The following EPB41L4A variants were observed in gnomAD, a reference collection of about 807,000 sequenced individuals.
EPB41L4A encodes the protein band 4.1-like protein 4A.
Under a neutral mutation model 108.6 loss-of-function variants are expected in EPB41L4A, and 100 were observed. The observed-to-expected ratio is 0.92, with a 90% confidence interval of 0.78 to 1.09. The LOEUF is 1.09. Ranked by LOEUF, EPB41L4A falls within the 50% of genes least tolerant of loss-of-function variation. The pLI is 0.00. For missense variants in EPB41L4A, 1,030 were observed against 842.7 expected (o/e 1.22, Z -2.75); for synonymous variants, 319 against 289.0 (o/e 1.10, Z -1.05).
intron 15 of EPB41L4A, chr5:112,197,087 A>C (rs1761998772): frequency 6.7e-6 from 1 of 150,060 alleles, no homozygotes; most frequent in Non-Finnish European, 1.5e-5. Flanking sequence ...GTGTCTTTTC[A>C]ATGACTTTCA....
chr5:112,419,836 C>T (rs935905745), upstream of EPB41L4A: 1 of 456,730 alleles, frequency 2.2e-6, no homozygotes, highest in Admixed American at 2.3e-5. Context: ...TACGGGTGGC[C>T]GTGTGTAGCC....
chr5:112,226,271 G>A (rs1052864200), intron 12 of EPB41L4A, among the ~76,000 whole-genome samples: 1 of 152,208 alleles, frequency 6.6e-6, no homozygotes, highest in African/African-American at 2.4e-5. Flanking sequence ...TGATATTATA[G>A]AAGTGACGTA....
At chr5:112,231,910 C>G (rs1418636745) in intron 12 of EPB41L4A, among the ~76,000 whole-genome samples, 2 of 150,524 alleles carry the variant, frequency 1.3e-5, no homozygotes, top group African/African-American at 4.9e-5. Context: ...GAGTCTGAGA[C>G]CAGCCTAAAC....
intron 2 of EPB41L4A, among the ~76,000 whole-genome samples, chr5:112,301,556 T>C (rs371883167): frequency 1.3e-5 from 2 of 152,240 alleles, no homozygotes; most frequent in South Asian, 4.1e-4. Context: ...TGTCTCTGGG[T>C]TCCTGCAGGA....
At chr5:112,218,054 C>G (rs1404654985) in intron 12 of EPB41L4A, among the ~76,000 whole-genome samples, 2 of 152,116 alleles carry the variant, frequency 1.3e-5, no homozygotes, top group African/African-American at 4.8e-5. Context: ...CCCAGTGCTA[C>G]AGAGTGTGTG....
rs538762868 is a variant in EPB41L4A at position 112,268,110 on chromosome 5, G to A, written c.336-1780C>T. Among the ~76,000 whole-genome samples, 655 of 152,346 alleles carry A rather than the reference G, an allele frequency of 4.3e-3. 1 individual carries two copies. Among genetic ancestry groups the A allele is most frequent in the Non-Finnish European group, 6.9e-3 (467 of 68,028 alleles). On this transcript the variant is annotated intron_variant, in intron 4 of 22. Transcript: ENST00000261486. ...AAACCTTATAAACAAGAGTGGGCAT[G>A]GTGGCTCATGCCTGTAATCCCAGCA...
intron 1 of EPB41L4A, among the ~76,000 whole-genome samples, chr5:112,331,502 C>T (rs1756564779): frequency 6.6e-6 from 1 of 152,228 alleles, no homozygotes; most frequent in African/African-American, 2.4e-5. Flanking sequence ...AGAGGGCTGG[C>T]ATGCCCTGCT....
intron 12 of EPB41L4A, among the ~76,000 whole-genome samples, chr5:112,226,389 C>T (rs1174511777): frequency 6.6e-6 from 1 of 152,200 alleles, no homozygotes. Flanking sequence ...AATTTTGCTT[C>T]CCCTCTGGGA....
At chr5:112,157,089 G>T (rs1417363484) in intron 12 of EPB41L4A, among the ~76,000 whole-genome samples, 1 of 151,540 alleles carries the variant, frequency 6.6e-6, no homozygotes, top group Non-Finnish European at 1.5e-5. Context: ...ATTGACACAG[G>T]AGAGACAAAT....
At chr5:112,189,794 T>G (rs1761603453) in intron 17 of EPB41L4A, among the ~76,000 whole-genome samples, 1 of 152,214 alleles carries the variant, frequency 6.6e-6, no homozygotes, top group Non-Finnish European at 1.5e-5. Context: ...ATTCAAAGAT[T>G]CTCCTCAGTG....
rs1001650375 is a variant in EPB41L4A, at chr5:112,272,534, C to T, written c.335+2792G>A. On this transcript the variant is annotated intron_variant, in intron 4 of 22. Coordinates refer to ENST00000261486, the MANE Select transcript of EPB41L4A (RefSeq NM_022140.5). ...GGAGTAAAAAGACCGGGTTACAGCA[C>T]TTTGGGAGGCCAAGGCAGGTGGATC... 1.4e-4 allele frequency among the ~76,000 whole-genome samples: 22 copies of T among 151,816 alleles called. 1 individual carries two copies. The highest frequency in any genetic ancestry group is 2.0e-4 in the Admixed American group (3 of 15,258).
At chr5:112,335,089 T>A (rs1049700727) in intron 1 of EPB41L4A, among the ~76,000 whole-genome samples, 1 of 152,162 alleles carries the variant, frequency 6.6e-6, no homozygotes, top group Non-Finnish European at 1.5e-5. Context: ...CAAAGCCTCC[T>A]GGCTTTGCAC....
intron 12 of EPB41L4A, among the ~76,000 whole-genome samples, chr5:112,220,660 C>T (rs1322511601): frequency 6.6e-6 from 1 of 152,170 alleles, no homozygotes; most frequent in Non-Finnish European, 1.5e-5. Context: ...GGACACGCTA[C>T]CCCAAACTAT....
At chr5:112,242,650 CTT>C (rs1379898081) in intron 9 of EPB41L4A, among the ~76,000 whole-genome samples, 2 of 152,104 alleles carry the variant, frequency 1.3e-5, no homozygotes, top group African/African-American at 4.8e-5. Flanking sequence ...AAGTTTTTCA[CTT>C]TGTTTGTCCA....
chr5:112,321,143 G>A (rs1043932681), intron 1 of EPB41L4A, among the ~76,000 whole-genome samples: 1 of 152,178 alleles, frequency 6.6e-6, no homozygotes, highest in East Asian at 1.9e-4. Flanking sequence ...AATTCTAAAA[G>A]CTTGGGATCA....
intron 7 of EPB41L4A, among the ~76,000 whole-genome samples, chr5:112,260,770 T>C (rs1016854969): frequency 2.6e-5 from 4 of 152,254 alleles, no homozygotes; most frequent in Non-Finnish European, 5.9e-5. Context: ...CAGCACTGTT[T>C]GTGAGAATGT....
chr5:112,283,692 T>C (rs1340582697), intron 2 of EPB41L4A, among the ~76,000 whole-genome samples: 1 of 152,228 alleles, frequency 6.6e-6, no homozygotes, highest in African/African-American at 2.4e-5. Context: ...TACATGTTCT[T>C]TACATGACAT....
chr5:112,406,154 G>A (rs996484426), intron 1 of EPB41L4A, among the ~76,000 whole-genome samples: 6 of 152,276 alleles, frequency 3.9e-5, no homozygotes, highest in Admixed American at 1.3e-4. Flanking sequence ...TCCTCCAAGC[G>A]CCCTTGTAAA....
chr5:112,295,253 T>C (rs1378804315), intron 2 of EPB41L4A, among the ~76,000 whole-genome samples: 3 of 152,278 alleles, frequency 2.0e-5, no homozygotes, highest in Non-Finnish European at 2.9e-5. Context: ...TGAGATGATG[T>C]AGTTGGGAAT....
Sources: allele counts gnomAD v4.1 joint callset (sites outside exome capture counted in the v4.1 genomes callset), GRCh38; gene constraint gnomAD v4.1.1; transcripts MANE v1.5; gene names NCBI Gene and HGNC (gene_info 2026-07-23, HGNC 2026-07-21).